EXOC3L1: variants seen among roughly 807,000 people sequenced by gnomAD.
The protein encoded by EXOC3L1 is exocyst complex component 3-like protein.
Under a neutral mutation model 83.6 loss-of-function variants are expected in EXOC3L1, and 79 were observed. The observed-to-expected ratio is 0.95, with a 90% CI of 0.79 to 1.14. EXOC3L1 has a LOEUF of 1.14. Ranked by LOEUF, EXOC3L1 falls within the 50% of genes most tolerant of loss-of-function variation. EXOC3L1 has a pLI of 0.00. For synonymous variants in EXOC3L1, 433 were observed against 451.2 expected, an observed-to-expected ratio of 0.96 and a Z score of 0.51; for missense variants, 945 against 972.0, an observed-to-expected ratio of 0.97 and a Z score of 0.37.
In EXOC3L1 at chr16:67,187,267, T is replaced by C; in HGVS notation, c.998A>G (p.Asp333Gly). Residue 333 changes from aspartate to glycine, a missense_variant, in exon 5 of 14, where the codon GAT becomes GGT. Asp to Gly is a moderately conservative substitution (Grantham distance 94). Coordinates refer to ENST00000314586, the MANE Select transcript of EXOC3L1 (RefSeq NM_178516.4). ...LLAGPELEAADAFALLHWALH... is the reference protein window; with the variant it reads ...LLAGPELEAAGAFALLHWALH... The stretch of plus-strand genomic sequence containing the variant: ...TGCCCAGTGCAGCAAGGCGAAGGCA[T>C]CCGCAGCTTCTAGCTCAGGCCCTGC... 6.2e-7 allele frequency: 1 copy of C among 1,612,750 alleles called. No individual in the cohort carries two copies. Among genetic ancestry groups the C allele is most frequent in the East Asian group, 2.2e-5 (1 of 44,864 alleles).
In EXOC3L1 at chr16:67,187,605, C is replaced by T. The variant is rs1399082529; in HGVS notation, c.660G>A (p.Leu220=). ...CCTCCGCCACACGCACAGCAGCCAC[C>T]AACAGGGCTGGGTCCTCCCGTGCCA... is the stretch of plus-strand genomic sequence containing the variant. ...GKLAREDPAL[L]VAAVRVAEVE... The change falls in exon 5 of 14, where the codon TTG becomes TTA. Residue 220 remains leucine, a synonymous_variant. Coordinates refer to ENST00000314586, the MANE Select transcript of EXOC3L1 (RefSeq NM_178516.4). 1.2e-6 allele frequency: 2 copies of T among 1,608,130 alleles called. No homozygotes were observed. Among genetic ancestry groups the T allele is most frequent in the East Asian group, 2.2e-5 (1 of 44,848 alleles).
Position 67,186,752 on chromosome 16 carries a change from C to T in EXOC3L1, c.1284+7G>A. The T allele has an allele frequency of 6.2e-7, 1 of 1,613,890 alleles. No individual in the cohort carries two copies. Among genetic ancestry groups the T allele is most frequent in the Admixed American group, 1.7e-5 (1 of 60,028 alleles). On this transcript the variant is annotated splice_region_variant and intron_variant, in intron 7 of 13. Transcript: ENST00000314586. ...GCTGCCTGCCTGTCTGGCCACTTCC[C>T]ACCTACCTGCAGCACAATGGCTGGC...
chr16:67,186,464 T>C (rs1186928923), intron 8 of EXOC3L1, 93 bp downstream of exon 8: 1 of 1,467,936 alleles, frequency 6.8e-7, no homozygotes, highest in African/African-American at 1.4e-5. Flanking sequence ...GAAAGAGCCC[T>C]TTCCCTGTGA....
rs1200374534 is a variant in EXOC3L1 at position 67,189,083 on chromosome 16, G to A, written c.144C>T (p.Ala48=). ...SGIFYRPEQL[A]RLGQYRSREV... ...CGCGGCTGCGGTACTGGCCTAGCCT[G>A]GCCAGCTGCTCCGGCCGGTAGAAGA... The change falls in exon 3 of 14, where the codon GCC becomes GCT. Residue 48 remains alanine (A), a synonymous_variant. Transcript: ENST00000314586. 6.2e-7 allele frequency: 1 copy of A among 1,608,168 alleles called. No individual in the cohort carries two copies. The highest frequency in any genetic ancestry group is 2.2e-5 in the East Asian group (1 of 44,788).
intron 1 of EXOC3L1, 135 bp downstream of exon 1, chr16:67,189,836 G>A: frequency 2.9e-6 from 2 of 693,370 alleles, no homozygotes; most frequent in Non-Finnish European, 4.9e-6. Flanking sequence ...GATGCGGAGG[G>A]CACCTGGGAG....
intron 2 of EXOC3L1, among the ~76,000 whole-genome samples, chr16:67,189,407 G>C (rs528287972): frequency 2.6e-5 from 4 of 152,328 alleles, no homozygotes; most frequent in East Asian, 3.9e-4. Flanking sequence ...CTCCCGAGGA[G>C]CTGGGATTAC....
intron 6 of EXOC3L1, 21 bp from the exon 7 acceptor site, chr16:67,186,905 C>T (rs2032744899): frequency 6.2e-7 from 1 of 1,613,224 alleles, no homozygotes; most frequent in African/African-American, 1.3e-5. Context: ...GGGCCAGGGG[C>T]AAAGGAATGT....
At position 67,189,123 on chromosome 16, in the gene EXOC3L1, T is replaced by C. The variant is rs377426277; in HGVS notation, c.104A>G (p.Lys35Arg). 1 of 1,608,040 alleles carries C rather than the reference T, an allele frequency of 6.2e-7. No homozygotes were observed. The highest frequency in any genetic ancestry group is 1.1e-5 in the South Asian group (1 of 90,844). ...AEQLARGAAL[K>R]WASGIFYRPE... is the part of the protein sequence containing the mutation. The stretch of plus-strand genomic sequence containing the variant: ...CCGGTAGAAGATGCCTGAGGCCCAC[T>C]TGAGCGCTGCACCCCGGGCCAGCTG... The change falls in exon 3 of 14, where the codon AAG (lysine) becomes AGG (arginine). Residue 35 changes from lysine to arginine, a missense_variant. Lys to Arg is a conservative substitution (Grantham distance 26). Transcript: ENST00000314586.
chr16:67,185,728 A>G, intron 9 of EXOC3L1: 1 of 577,190 alleles, frequency 1.7e-6, no homozygotes, highest in Non-Finnish European at 3.1e-6. Flanking sequence ...TCCTTGAGGA[A>G]AACATTCTTT....
Position 67,185,414 on chromosome 16 carries a change from A to G in EXOC3L1, c.1573T>C (p.Leu525=), listed in dbSNP as rs770395508. The change falls in exon 10 of 14, where the codon TTG becomes CTG. Residue 525 remains leucine, a synonymous_variant. Transcript: ENST00000314586. ...LAPVEAALDE[L]QRRIYRLVLE... is the part of the protein sequence containing the mutation. The stretch of plus-strand genomic sequence containing the variant: ...ACCAAGCGGTAGATCCTCCTCTGCA[A>G]CTCGTCCAGCGCAGCTTCCACTGGA... 8 of 1,611,520 alleles carry G rather than the reference A, an allele frequency of 5.0e-6. No individual in the cohort carries two copies. The African/African-American group carries it at 8.1e-5, about 16-fold the overall frequency.
In EXOC3L1 at chr16:67,187,521, A is replaced by G. The variant is rs1423234947; in HGVS notation, c.744T>C (p.Cys248=). The G allele has an allele frequency of 2.5e-6, 4 of 1,602,626 alleles. No homozygotes were observed. Among genetic ancestry groups the G allele is most frequent in the Non-Finnish European group, 3.4e-6 (4 of 1,178,520 alleles). ...GQVPRDWRQR[C]LRALQEGLEQ... is the part of the protein sequence containing the mutation. ...CCAGGCCCTCCTGTAGTGCCCTCAGACAGCGCTGACGCCAGTCCCGGGGGA... is the reference window on the plus strand; with the variant it reads ...CCAGGCCCTCCTGTAGTGCCCTCAGGCAGCGCTGACGCCAGTCCCGGGGGA... The change falls in exon 5 of 14, where the codon TGT becomes TGC. Residue 248 remains cysteine (C), a synonymous_variant. Transcript: ENST00000314586.
rs1226685256 is a variant in EXOC3L1, at chr16:67,187,070, G to T, written c.1109C>A (p.Thr370Asn). ...ADVSQLEPLL[T>N]LENIEQLEAT... ...CTCCAGCTGCTCAATGTTCTCCAAG[G>T]TCAGAAGGGGCTCCAGCTGGGACAC... The change falls in exon 6 of 14, where the codon ACC (threonine) becomes AAC (asparagine). Residue 370 changes from threonine (T) to asparagine (N), a missense_variant. Physicochemically the swap from Thr to Asn is moderately conservative, Grantham distance 65 (BLOSUM62 0). Transcript: ENST00000314586. The T allele has an allele frequency of 6.2e-7, 1 of 1,613,704 alleles. No homozygotes were observed. Among genetic ancestry groups the T allele is most frequent in the Admixed American group, 1.7e-5 (1 of 60,030 alleles).
intron 6 of EXOC3L1, 42 bp from the exon 7 acceptor site, chr16:67,186,926 T>TG (rs2032746140): frequency 6.2e-7 from 1 of 1,612,814 alleles, no homozygotes; most frequent in African/African-American, 1.3e-5. Context: ...AGCAGGGATC[T>TG]GACCCTGCTG....
chr16:67,184,455 AGCGCGG>A lies in EXOC3L1; in HGVS notation c.2174_2179del (p.Pro725_Ala726del). 1 of 1,528,722 alleles carries A rather than the reference AGCGCGG, an allele frequency of 6.5e-7. No homozygotes were observed. Among genetic ancestry groups the A allele is most frequent in the Non-Finnish European group, 8.7e-7 (1 of 1,143,966 alleles). 94.7% of individuals were successfully genotyped at this position (1,528,722 alleles called of 1,614,324 possible). Reference sequence around the variant, plus strand: ...CGAGGGCAGGCAGGAGGCCGGCGCGAGCGCGGGCGCGGGCACTAGGCTGAAGAGGAC... The same window carrying A: ...CGAGGGCAGGCAGGAGGCCGGCGCGAGCGCGGGCACTAGGCTGAAGAGGAC... On this transcript the variant is annotated inframe_deletion, in exon 14 of 14. Coordinates refer to ENST00000314586, the MANE Select transcript of EXOC3L1 (RefSeq NM_178516.4).
Position 67,186,870 on chromosome 16 carries a change from C to G in EXOC3L1, c.1173G>C (p.Gln391His), listed in dbSNP as rs759752982. The G allele has an allele frequency of 4.3e-6, 7 of 1,613,668 alleles. No individual in the cohort carries two copies. Among genetic ancestry groups the G allele is most frequent in the East Asian group, 4.5e-5 (2 of 44,892 alleles). ...FVANIQASVS[Q>H]WLQNALDGEV... ...CCCCATCCAGTGCATTCTGCAGCCA[C>G]TGAGACACACTTGCCTGGGGGGAGG... Residue 391 changes from glutamine to histidine, a missense_variant, in exon 7 of 14, where the codon CAG (glutamine) becomes CAC (histidine). By Grantham distance (24) the Gln-to-His change is conservative. Transcript: ENST00000314586.
chr16:67,185,168 C>T lies in EXOC3L1; in HGVS notation c.1717G>A (p.Asp573Asn). 1 of 1,613,424 alleles carries T rather than the reference C, an allele frequency of 6.2e-7. No individual in the cohort carries two copies. The highest frequency in any genetic ancestry group is 8.5e-7 in the Non-Finnish European group (1 of 1,180,028). The part of the protein sequence containing the change: ...VCERTGRFCR[D>N]FWRVRNPTVQ... ...GTGGGGTTCCGCACGCGCCAGAAGT[C>T]CCGGCAGAAGCGCCCCGTCCGTTCA... Residue 573 changes from aspartate to asparagine, a missense_variant, in exon 11 of 14, where the codon GAC (aspartate) becomes AAC (asparagine). Coordinates refer to ENST00000314586, the MANE Select transcript of EXOC3L1 (RefSeq NM_178516.4).
chr16:67,189,502 C>T, intron 2 of EXOC3L1, 129 bp downstream of exon 2: 1 of 1,140,254 alleles, frequency 8.8e-7, no homozygotes, highest in South Asian at 1.4e-5. Context: ...GTTTGGAGCT[C>T]CTGACCTCAG....
At position 67,184,416 on chromosome 16, in the gene EXOC3L1, C is replaced by G; in HGVS notation, c.2219G>C (p.Arg740Pro). Residue 740 changes from arginine to proline, a missense_variant, in exon 14 of 14, where the codon CGA (arginine) becomes CCA (proline). Coordinates refer to ENST00000314586, the MANE Select transcript of EXOC3L1 (RefSeq NM_178516.4). ...ASCLPSGSCA[R>P]ALLLAE ...GGTTTATTCTGCGAGCAGCAGGGCTCGGGCGCAGGACCCCGAGGGCAGGCA... is the reference window on the plus strand; with the variant it reads ...GGTTTATTCTGCGAGCAGCAGGGCTGGGGCGCAGGACCCCGAGGGCAGGCA... The G allele has an allele frequency of 6.5e-7, 1 of 1,533,406 alleles. No individual in the cohort carries two copies. Among genetic ancestry groups the G allele is most frequent in the Non-Finnish European group, 8.7e-7 (1 of 1,145,630 alleles). 95.0% of individuals were successfully genotyped at this position (1,533,406 alleles called of 1,614,324 possible).
chr16:67,185,083 C>A, intron 11 of EXOC3L1, 26 bp from the exon 12 acceptor site: 1 of 1,611,818 alleles, frequency 6.2e-7, no homozygotes, highest in Non-Finnish European at 8.5e-7. Context: ...CAGGCGGGTG[C>A]AGGTCGCCTC....
Sources: gnomAD v4.1 joint callset for allele counts (sites outside exome capture counted in the v4.1 genomes callset) on GRCh38, gnomAD v4.1.1 for gene constraint, MANE v1.5 for transcripts, NCBI Gene and HGNC (gene_info 2026-07-23, HGNC 2026-07-21) for gene names.